The following HDDC2 variants were observed in gnomAD, a reference collection of about 807,000 sequenced individuals.
HDDC2 encodes HD domain containing 2, also known as 5'-deoxynucleotidase HDDC2.
HDDC2 carries 25 observed loss-of-function variants against 25.5 expected under a neutral mutation model. The ratio of observed to expected loss-of-function variants is 0.98; its 90% confidence interval spans 0.72 to 1.37. The LOEUF (loss-of-function observed/expected upper bound fraction) is 1.37. Among genes scored for constraint, HDDC2 ranks in the 40% most tolerant of loss-of-function variants. The probability of loss-of-function intolerance (pLI) is 0.00; values close to 1 mark genes in which losing one functional copy is unlikely to be tolerated. For missense variants in HDDC2, 264 were observed against 253.1 expected (o/e 1.04, Z -0.29); for synonymous variants, 106 against 89.7 (o/e 1.18, Z -1.03).
intron 1 of HDDC2, among the ~76,000 whole-genome samples, chr6:125,301,279 G>A (rs1798797599): frequency 6.6e-6 from 1 of 152,174 alleles, no homozygotes; most frequent in Non-Finnish European, 1.5e-5. Flanking sequence ...AGACGCACAT[G>A]ATGAAACTCG....
At position 125,277,116 on chromosome 6, in the gene HDDC2, T is replaced by C. The variant is rs371610845; in HGVS notation, c.503A>G (p.Tyr168Cys). The change falls in exon 5 of 6, where the codon TAT (tyrosine) becomes TGT (cysteine). Residue 168 changes from tyrosine (Y) to cysteine (C), a missense_variant. By Grantham distance (194) the Tyr-to-Cys change is radical. Transcript: ENST00000398153. Reference protein sequence around the residue: ...EHKPGRLQDFYDSTAGKFNHP... With the variant: ...EHKPGRLQDFCDSTAGKFNHP... ...GTGTTGAGTACCTGCTGTGGAATCATAGAAGTCTTGCAGTCTCCCAGGTTT... is the reference window on the plus strand; with the variant it reads ...GTGTTGAGTACCTGCTGTGGAATCACAGAAGTCTTGCAGTCTCCCAGGTTT... The C allele has an allele frequency of 5.1e-5, 82 of 1,613,986 alleles. 1 individual carries two copies. Among genetic ancestry groups the C allele is most frequent in the South Asian group, 3.5e-4 (32 of 91,070 alleles).
At chr6:125,286,789 ACCC>A (rs1562440942) in intron 4 of HDDC2, among the ~76,000 whole-genome samples, 1 of 152,088 alleles carries the variant, frequency 6.6e-6, no homozygotes, top group East Asian at 1.9e-4. Flanking sequence ...AAGCATATTT[ACCC>A]CCCTTTTCCT....
chr6:125,289,991 T>A (rs1024131210), intron 4 of HDDC2, among the ~76,000 whole-genome samples: 1 of 152,236 alleles, frequency 6.6e-6, no homozygotes, highest in African/African-American at 2.4e-5. Flanking sequence ...TCACTTTTTA[T>A]GATAAAAGAT....
At chr6:125,292,216 A>AT (rs915413775) in intron 4 of HDDC2, among the ~76,000 whole-genome samples, 4 of 151,584 alleles carry the variant, frequency 2.6e-5, no homozygotes, top group South Asian at 2.1e-4. Context: ...GGAAAGGGGA[A>AT]TTTTTTTTTC....
intron 4 of HDDC2, among the ~76,000 whole-genome samples, chr6:125,290,679 T>C (rs921224312): frequency 6.6e-6 from 1 of 152,200 alleles, no homozygotes; most frequent in African/African-American, 2.4e-5. Context: ...ACTGGAGTGA[T>C]GTGTCTGCGA....
chr6:125,280,611 C>T (rs1798442705), intron 4 of HDDC2, among the ~76,000 whole-genome samples: 1 of 152,244 alleles, frequency 6.6e-6, no homozygotes, highest in Non-Finnish European at 1.5e-5. Context: ...GAAGTTCCAA[C>T]TGGGCGGAGC....
chr6:125,290,291 A>T (rs1798610371), intron 4 of HDDC2, among the ~76,000 whole-genome samples: 2 of 152,176 alleles, frequency 1.3e-5, no homozygotes, highest in African/African-American at 4.8e-5. Context: ...CAACCCTATA[A>T]TTATTGCCAT....
intron 4 of HDDC2, among the ~76,000 whole-genome samples, chr6:125,282,144 G>C (rs1337503952): frequency 1.3e-5 from 2 of 152,002 alleles, no homozygotes; most frequent in Non-Finnish European, 2.9e-5. Flanking sequence ...TCAGGAGTTC[G>C]AGACCAGCCT....
rs562882118 is a variant in HDDC2 at position 125,275,906 on chromosome 6, T to G, written c.*240A>C. ...ATTTTAGGTGTTTAATATTTATTTA[T>G]TTAGTTCATAAACAGGCACTGCCAC... On this transcript the variant is annotated 3_prime_UTR_variant, in exon 6 of 6. Coordinates refer to ENST00000398153, the MANE Select transcript of HDDC2 (RefSeq NM_016063.3). 30 of 469,614 alleles carry G rather than the reference T, an allele frequency of 6.4e-5. 1 individual carries two copies. The highest frequency in any genetic ancestry group is 1.7e-4 in the East Asian group (5 of 29,132). The allele number at this position is 469,614 out of a possible 1,614,324, so 29.1% of individuals were successfully genotyped here.
intron 5 of HDDC2, chr6:125,276,733 G>A (rs530095520): frequency 2.2e-5 from 6 of 269,358 alleles, no homozygotes; most frequent in Non-Finnish European, 3.5e-5. Context: ...ACTTCAATTG[G>A]CTGATCTGTG....
chr6:125,281,346 G>A (rs1264330870), intron 4 of HDDC2, among the ~76,000 whole-genome samples: 3 of 152,308 alleles, frequency 2.0e-5, no homozygotes, highest in East Asian at 3.9e-4. Flanking sequence ...CAAAACTGGA[G>A]GGAGAATGAG....
rs756236621 is a variant in HDDC2 at position 125,300,674 on chromosome 6, G to A, written c.85-15C>T. On this transcript the variant is annotated splice_polypyrimidine_tract_variant and intron_variant, in intron 1 of 5. Coordinates refer to ENST00000398153, the MANE Select transcript of HDDC2 (RefSeq NM_016063.3). ...CGTGGGACTCTCTGATAAATATGAA[G>A]AAGAAAAAGAAGTTTTAAAGAACAA... 3 of 1,607,162 alleles carry A rather than the reference G, an allele frequency of 1.9e-6. No individual in the cohort carries two copies. Among genetic ancestry groups the A allele is most frequent in the East Asian group, 2.2e-5 (1 of 44,822 alleles).
At position 125,295,695 on chromosome 6, in the gene HDDC2, T is replaced by C. The variant is rs192598463; in HGVS notation, c.310-2786A>G. ...ATACTTACTCTATGATAAAGTTCCATTCTCTTTGTAATCTCCAAGTTCTTT... is the reference window on the plus strand; with the variant it reads ...ATACTTACTCTATGATAAAGTTCCACTCTCTTTGTAATCTCCAAGTTCTTT... On this transcript the variant is annotated intron_variant, in intron 3 of 5. Transcript: ENST00000398153. Among the ~76,000 whole-genome samples the C allele has an allele frequency of 5.4e-3, 823 of 152,312 alleles. 4 individuals are homozygous for C. Among genetic ancestry groups the C allele is most frequent in the Middle Eastern group, 0.014 (4 of 294 alleles).
intron 3 of HDDC2, among the ~76,000 whole-genome samples, chr6:125,296,947 C>T (rs1218211573): frequency 2.0e-5 from 3 of 152,216 alleles, no homozygotes; most frequent in African/African-American, 7.2e-5. Flanking sequence ...TGCTCCTCTG[C>T]GGAGTGAATC....
At chr6:125,283,719 C>T (rs772923247) in intron 4 of HDDC2, among the ~76,000 whole-genome samples, 5 of 152,108 alleles carry the variant, frequency 3.3e-5, no homozygotes, top group African/African-American at 4.8e-5. Flanking sequence ...GAATCAATAT[C>T]GTGAAAATGG....
At position 125,298,813 on chromosome 6, in the gene HDDC2, A is replaced by T. The variant is rs1273283433; in HGVS notation, c.210T>A (p.Cys70Ter). The T allele has an allele frequency of 1.2e-6, 2 of 1,610,814 alleles. No individual in the cohort carries two copies. The highest frequency in any genetic ancestry group is 3.3e-5 in the Admixed American group (2 of 60,022). The change falls in exon 3 of 6, where the codon TGT becomes TGA. Residue 70 changes from cysteine to a stop codon, truncating the protein, a stop_gained. Coordinates refer to ENST00000398153, the MANE Select transcript of HDDC2 (RefSeq NM_016063.3). LOFTEE classifies it high-confidence loss of function. The stretch of plus-strand genomic sequence containing the variant: ...TATCATGAACCAGGGCTAGGCGTAC[A>T]CATCTGATCAGGCAAGAAATGTCGA... Reference protein sequence around the residue: ...IKDDRLNKDRCVRLALVHDMA... With the variant: ...IKDDRLNKDR
chr6:125,289,702 T>C (rs969816838), intron 4 of HDDC2, among the ~76,000 whole-genome samples: 3 of 152,008 alleles, frequency 2.0e-5, no homozygotes, highest in Non-Finnish European at 4.4e-5. Flanking sequence ...GAAGAATGAA[T>C]TGGGGGGAGA....
At chr6:125,277,507 T>C (rs1454513355) in intron 4 of HDDC2, 9 of 370,030 alleles carry the variant, frequency 2.4e-5, no homozygotes, top group African/African-American at 1.9e-4. Context: ...TTAGGTACTT[T>C]CAAGATCTTT....
chr6:125,292,715 C>T, intron 4 of HDDC2, 126 bp downstream of exon 4: 1 of 750,902 alleles, frequency 1.3e-6, no homozygotes. Context: ...AAGTGAGAAA[C>T]AGACACAAAC....
Sources: allele counts gnomAD v4.1 joint callset (sites outside exome capture counted in the v4.1 genomes callset), GRCh38; gene constraint gnomAD v4.1.1; transcripts MANE v1.5; gene names NCBI Gene and HGNC (gene_info 2026-07-23, HGNC 2026-07-21).